SAMSN1: variants seen among roughly 807,000 people sequenced by gnomAD.
SAMSN1 encodes the protein SAM domain-containing protein SAMSN-1.
SAMSN1 carries 31 observed loss-of-function variants against 42.0 expected under a neutral mutation model. That is an observed-to-expected ratio of 0.74 (90% confidence interval 0.55 to 1.00). The LOEUF (loss-of-function observed/expected upper bound fraction) is 1.00. Ranked by LOEUF, SAMSN1 falls within the 50% of genes least tolerant of loss-of-function variation. The probability of loss-of-function intolerance (pLI) is 0.00; values close to 1 mark genes in which losing one functional copy is unlikely to be tolerated. For missense variants in SAMSN1, 464 were observed against 439.4 expected (o/e 1.06, Z -0.50); for synonymous variants, 178 against 151.9 (o/e 1.17, Z -1.26).
chr21:14,577,733 T>G (rs1393628980), intron 2 of SAMSN1, among the ~76,000 whole-genome samples: 1 of 152,216 alleles, frequency 6.6e-6, no homozygotes. Flanking sequence ...TTTCTTAAGA[T>G]GCAGCTGAAA....
intron 1 of SAMSN1, among the ~76,000 whole-genome samples, chr21:14,545,463 T>C (rs902090306): frequency 3.9e-5 from 6 of 152,154 alleles, no homozygotes; most frequent in African/African-American, 1.2e-4. Flanking sequence ...ATTGGTACTT[T>C]GTAAATAGTT....
chr21:14,578,442 G>A (rs1981577809), intron 2 of SAMSN1, among the ~76,000 whole-genome samples: 1 of 151,896 alleles, frequency 6.6e-6, no homozygotes, highest in African/African-American at 2.4e-5. Context: ...TGTAATAATA[G>A]AATCAAAGAC....
intron 2 of SAMSN1, among the ~76,000 whole-genome samples, chr21:14,620,720 G>A (rs1982980012): frequency 6.6e-6 from 1 of 152,150 alleles, no homozygotes; most frequent in African/African-American, 2.4e-5. Flanking sequence ...GATTAAATGA[G>A]TTAACCTATA....
intron 2 of SAMSN1, among the ~76,000 whole-genome samples, chr21:14,555,526 A>G (rs1568806630): frequency 1.3e-5 from 2 of 152,166 alleles, no homozygotes; most frequent in African/African-American, 2.4e-5. Flanking sequence ...AAGTTTTCAG[A>G]TTGGCATAGG....
At chr21:14,541,527 T>C (rs916925235) in intron 1 of SAMSN1, among the ~76,000 whole-genome samples, 1 of 152,182 alleles carries the variant, frequency 6.6e-6, no homozygotes, top group Non-Finnish European at 1.5e-5. Context: ...TTTTTTTGTT[T>C]GTTTGTTTGT....
At chr21:14,620,337 T>G (rs374958527) in intron 2 of SAMSN1, among the ~76,000 whole-genome samples, 2 of 152,074 alleles carry the variant, frequency 1.3e-5, no homozygotes, top group East Asian at 3.9e-4. Context: ...TCTTACGAGA[T>G]GTGATGGTTT....
At chr21:14,593,756 A>C in intron 7 of SAMSN1, 1 of 292,120 alleles carries the variant, frequency 3.4e-6, no homozygotes, top group Non-Finnish European at 6.4e-6. Context: ...ATCTCAGGAA[A>C]AATTGCTAAA....
At chr21:14,491,946 A>G (rs939354956) in intron 7 of SAMSN1, among the ~76,000 whole-genome samples, 7 of 152,226 alleles carry the variant, frequency 4.6e-5, no homozygotes, top group African/African-American at 1.4e-4. Flanking sequence ...TTCACATTTA[A>G]CATATTTTTA....
chr21:14,599,227 A>C (rs1371971251), intron 6 of SAMSN1, among the ~76,000 whole-genome samples: 1 of 152,168 alleles, frequency 6.6e-6, no homozygotes, highest in Non-Finnish European at 1.5e-5. Flanking sequence ...CATAATTCCC[A>C]CGTGTCAAGG....
intron 1 of SAMSN1, among the ~76,000 whole-genome samples, chr21:14,648,787 T>C (rs1231647014): frequency 2.0e-5 from 3 of 151,936 alleles, no homozygotes; most frequent in African/African-American, 7.3e-5. Flanking sequence ...CTGGAGAGGA[T>C]GTGGAGAAAT....
intron 5 of SAMSN1, among the ~76,000 whole-genome samples, chr21:14,606,136 G>A (rs974548333): frequency 1.4e-4 from 22 of 152,174 alleles, no homozygotes; most frequent in African/African-American, 4.1e-4. Context: ...CACTGCGCCC[G>A]GTCAAGAAGA....
At chr21:14,652,553 A>C (rs1475278444) in intron 1 of SAMSN1, among the ~76,000 whole-genome samples, 1 of 152,140 alleles carries the variant, frequency 6.6e-6, no homozygotes, top group African/African-American at 2.4e-5. Context: ...AATGGATTCA[A>C]GACTTAAATC....
intron 1 of SAMSN1, among the ~76,000 whole-genome samples, chr21:14,544,045 C>T (rs1980221268): frequency 6.6e-6 from 1 of 152,136 alleles, no homozygotes; most frequent in Admixed American, 6.6e-5. Flanking sequence ...CAGCATCCAC[C>T]TCTGCCAATT....
intron 1 of SAMSN1, among the ~76,000 whole-genome samples, chr21:14,535,161 C>T (rs1179249592): frequency 1.3e-5 from 2 of 152,068 alleles, no homozygotes; most frequent in East Asian, 3.8e-4. Flanking sequence ...ATAAAACACC[C>T]CAGATGATTT....
intron 2 of SAMSN1, among the ~76,000 whole-genome samples, chr21:14,573,289 C>A (rs983155000): frequency 6.6e-6 from 1 of 152,142 alleles, no homozygotes; most frequent in East Asian, 1.9e-4. Context: ...TCAAAGCAGA[C>A]TTTACTCCTC....
chr21:14,645,347 A>T (rs1036485866), intron 1 of SAMSN1, among the ~76,000 whole-genome samples: 1 of 152,252 alleles, frequency 6.6e-6, no homozygotes, highest in Non-Finnish European at 1.5e-5. Context: ...GGGAGAAAGT[A>T]ATAAAAGAGA....
At chr21:14,499,253 G>A (rs896992331) in intron 6 of SAMSN1, among the ~76,000 whole-genome samples, 2 of 152,070 alleles carry the variant, frequency 1.3e-5, no homozygotes, top group African/African-American at 2.4e-5. Flanking sequence ...GAATCAATAT[G>A]TATTAGTTTA....
At chr21:14,538,212 A>T (rs1193734721) in intron 1 of SAMSN1, among the ~76,000 whole-genome samples, 1 of 152,228 alleles carries the variant, frequency 6.6e-6, no homozygotes, top group Non-Finnish European at 1.5e-5. Flanking sequence ...AGGGGAAAAG[A>T]GTAAATCTAA....
upstream of SAMSN1, among the ~76,000 whole-genome samples, chr21:14,588,011 C>G (rs1286744850): frequency 1.5e-5 from 2 of 137,524 alleles, no homozygotes; most frequent in East Asian, 2.2e-4. Flanking sequence ...GTTTTTTGTT[C>G]TTGCGATAGT....
Sources: gnomAD v4.1 joint callset for allele counts (sites outside exome capture counted in the v4.1 genomes callset) on GRCh38, gnomAD v4.1.1 for gene constraint, MANE v1.5 for transcripts, NCBI Gene and HGNC (gene_info 2026-07-23, HGNC 2026-07-21) for gene names.